Variants in MARCHF1 observed in about 807,000 individuals in gnomAD.
The protein encoded by MARCHF1 is membrane associated ring-CH-type finger 1.
Under a neutral mutation model 54.2 loss-of-function variants are expected in MARCHF1, and 40 were observed. The observed-to-expected ratio is 0.74, with a 90% CI of 0.57 to 0.96. The LOEUF is 0.96. Among genes scored for constraint, MARCHF1 ranks in the 40% least tolerant of loss-of-function variants. The pLI is 0.00. For synonymous variants in MARCHF1, 236 were observed against 236.3 expected (o/e 1.00, Z 0.01); for missense variants, 586 against 656.5 (o/e 0.89, Z 1.17).
At chr4:164,192,951 C>A (rs1360585879) in intron 1 of MARCHF1, among the ~76,000 whole-genome samples, 4 of 152,150 alleles carry the variant, frequency 2.6e-5, no homozygotes, top group Non-Finnish European at 5.9e-5. Flanking sequence ...GACACTGTTA[C>A]CGACTGCAGT....
chr4:163,557,528 T>C (rs1372386959), intron 8 of MARCHF1, among the ~76,000 whole-genome samples: 1 of 152,330 alleles, frequency 6.6e-6, no homozygotes, highest in African/African-American at 2.4e-5. Context: ...ATGCTTTCTA[T>C]GTGAAATTTT....
At chr4:164,144,353 A>G (rs554786537) in intron 1 of MARCHF1, among the ~76,000 whole-genome samples, 296 of 151,834 alleles carry the variant, frequency 1.9e-3, no homozygotes, top group African/African-American at 7.0e-3. Context: ...TCCACCCCAA[A>G]TCAACAGAAT....
intron 8 of MARCHF1, among the ~76,000 whole-genome samples, chr4:163,559,348 T>C (rs1056004699): frequency 6.6e-6 from 1 of 152,208 alleles, no homozygotes. Context: ...TTTCATTTCT[T>C]TGGGGCACTA....
chr4:164,366,188 G>A (rs990411937), intron 1 of MARCHF1, among the ~76,000 whole-genome samples: 1 of 151,948 alleles, frequency 6.6e-6, no homozygotes, highest in Non-Finnish European at 1.5e-5. Context: ...TACAAGTTTC[G>A]CATTCAAGGG....
intron 4 of MARCHF1, among the ~76,000 whole-genome samples, chr4:163,764,248 G>C (rs1025923569): frequency 6.6e-6 from 1 of 151,970 alleles, no homozygotes; most frequent in Non-Finnish European, 1.5e-5. Flanking sequence ...GGAAAAAGAG[G>C]AAATTAGTAT....
At chr4:163,757,519 C>T (rs1018785260) in intron 4 of MARCHF1, among the ~76,000 whole-genome samples, 5 of 151,938 alleles carry the variant, frequency 3.3e-5, no homozygotes, top group East Asian at 1.9e-4. Flanking sequence ...CCTAAGGATG[C>T]CTGTTTAGGG....
chr4:163,936,430 C>T (rs1310852885), intron 3 of MARCHF1, among the ~76,000 whole-genome samples: 1 of 152,108 alleles, frequency 6.6e-6, no homozygotes, highest in Non-Finnish European at 1.5e-5. Flanking sequence ...ATGAGGTGTG[C>T]CTGTATATAT....
At chr4:164,341,403 G>C (rs541532907) in intron 1 of MARCHF1, among the ~76,000 whole-genome samples, 1 of 152,078 alleles carries the variant, frequency 6.6e-6, no homozygotes, top group East Asian at 1.9e-4. Flanking sequence ...GTCCTAGCCA[G>C]AGCAATTAGA....
intron 1 of MARCHF1, among the ~76,000 whole-genome samples, chr4:164,297,973 T>C (rs767828685): frequency 1.1e-4 from 16 of 152,130 alleles, no homozygotes; most frequent in Non-Finnish European, 1.9e-4. Flanking sequence ...TATTCTGATA[T>C]AACTTCATAA....
intron 8 of MARCHF1, among the ~76,000 whole-genome samples, chr4:163,559,230 A>G (rs1408036406): frequency 2.6e-5 from 4 of 151,782 alleles, no homozygotes; most frequent in Admixed American, 2.0e-4. Context: ...AATTATTCAT[A>G]ATCTCATTTG....
intron 8 of MARCHF1, among the ~76,000 whole-genome samples, chr4:163,560,675 C>T (rs1360354896): frequency 1.3e-5 from 2 of 152,060 alleles, no homozygotes; most frequent in East Asian, 1.9e-4. Flanking sequence ...CATCTACATT[C>T]GTTTAGGTCT....
At chr4:163,956,628 A>G (rs927722746) in intron 3 of MARCHF1, among the ~76,000 whole-genome samples, 1 of 152,154 alleles carries the variant, frequency 6.6e-6, no homozygotes, top group African/African-American at 2.4e-5. Flanking sequence ...TATTATATGC[A>G]AAATTGTAAT....
At chr4:164,266,300 T>A (rs986747971) in intron 1 of MARCHF1, among the ~76,000 whole-genome samples, 1 of 152,156 alleles carries the variant, frequency 6.6e-6, no homozygotes, top group African/African-American at 2.4e-5. Context: ...ACAATAGCAT[T>A]TGCTCTCTTG....
intron 1 of MARCHF1, among the ~76,000 whole-genome samples, chr4:164,150,405 T>G (rs922574076): frequency 6.6e-6 from 1 of 152,192 alleles, no homozygotes; most frequent in Admixed American, 6.6e-5. Flanking sequence ...TTGAGACTTG[T>G]GTGTCTGCAA....
intron 1 of MARCHF1, among the ~76,000 whole-genome samples, chr4:164,333,085 T>TG (rs1157833538): frequency 1.3e-5 from 2 of 151,900 alleles, no homozygotes; most frequent in South Asian, 2.1e-4. Context: ...GAGAGGAGTG[T>TG]GAAAAAAAAG....
intron 1 of MARCHF1, among the ~76,000 whole-genome samples, chr4:164,372,163 T>C (rs1002712603): frequency 6.6e-6 from 1 of 152,248 alleles, no homozygotes; most frequent in Non-Finnish European, 1.5e-5. Context: ...TTAATTTCTG[T>C]ATAGTATTCA....
chr4:163,955,064 T>C (rs1051072375), intron 3 of MARCHF1, among the ~76,000 whole-genome samples: 4 of 152,048 alleles, frequency 2.6e-5, no homozygotes, highest in African/African-American at 9.7e-5. Flanking sequence ...TTTCTTATTT[T>C]TAAGAAATAT....
At chr4:163,952,472 A>T (rs1484218363) in intron 3 of MARCHF1, among the ~76,000 whole-genome samples, 1 of 152,226 alleles carries the variant, frequency 6.6e-6, no homozygotes, top group African/African-American at 2.4e-5. Context: ...TAAGCATGTT[A>T]TAAAATATGA....
chr4:163,685,087 T>C (rs913262439), intron 5 of MARCHF1, among the ~76,000 whole-genome samples: 1 of 152,226 alleles, frequency 6.6e-6, no homozygotes, highest in African/African-American at 2.4e-5. Flanking sequence ...TGCTTAACAT[T>C]GTGAATAGGT....
Sources: gnomAD v4.1 joint callset for allele counts (sites outside exome capture counted in the v4.1 genomes callset) on GRCh38, gnomAD v4.1.1 for gene constraint, MANE v1.5 for transcripts, NCBI Gene and HGNC (gene_info 2026-07-23, HGNC 2026-07-21) for gene names.